Variants in STRBP observed in about 807,000 individuals in gnomAD.
STRBP encodes the protein spermatid perinuclear RNA binding protein.
In STRBP, 13 loss-of-function variants were observed where a neutral mutation model predicts 80.1. That is an observed-to-expected ratio of 0.16 (90% CI 0.11 to 0.26). STRBP has a LOEUF of 0.26. Ranked by LOEUF, STRBP falls within the 10% of genes least tolerant of loss-of-function variation. STRBP has a pLI of 1.00. For synonymous variants in STRBP, 284 were observed against 291.2 expected (o/e 0.98, Z 0.25); for missense variants, 485 against 815.2 (o/e 0.59, Z 4.93).
rs762651605 is a variant in STRBP at position 123,146,844 on chromosome 9, A to T, written c.1338+11T>A. 171 of 1,590,438 alleles carry T rather than the reference A, an allele frequency of 1.1e-4. No individual in the cohort carries two copies. Among genetic ancestry groups the T allele is most frequent in the Non-Finnish European group, 1.4e-4 (168 of 1,164,022 alleles). ...ATAAGAAAGCATTGCAAAGTAAAAC[A>T]AATACTGTACCTTCACCGCTACGTG... is the stretch of plus-strand genomic sequence containing the variant. On this transcript the variant is annotated intron_variant, in intron 13 of 18. Coordinates refer to ENST00000348403, the MANE Select transcript of STRBP (RefSeq NM_018387.5).
Position 123,136,494 on chromosome 9 carries a change from G to A in STRBP, c.1519C>T (p.Leu507Phe). Residue 507 changes from leucine (L) to phenylalanine (F), a missense_variant, in exon 15 of 19, where the codon CTC (leucine) becomes TTC (phenylalanine). Transcript: ENST00000348403. The surrounding 1 kb of genome is among the most constrained non-coding windows in gnomAD (Gnocchi z 4.2). Reference protein sequence around the residue: ...TLEVRTQGPILTASGKNPVME... With the variant: ...TLEVRTQGPIFTASGKNPVME... ...ACAGGGTTTTTGCCACTTGCTGTGA[G>A]GATAGGGCCCTGAGTTCTTACCTAT... The A allele has an allele frequency of 6.2e-7, 1 of 1,614,024 alleles. No individual in the cohort carries two copies.
chr9:123,126,807 G>T lies in STRBP; in HGVS notation c.1943-1134C>A, dbSNP rs2035913407. Among the ~76,000 whole-genome samples the T allele has an allele frequency of 1.3e-5, 2 of 152,080 alleles. No homozygotes were observed. Among genetic ancestry groups the T allele is most frequent in the South Asian group, 4.2e-4 (2 of 4,816 alleles). Reference sequence around the variant, plus strand: ...GAGTCTAGTGAGCCAAAATGTACTTGGATAAATGGACCAGACCTAAGTCAC... The same window carrying T: ...GAGTCTAGTGAGCCAAAATGTACTTTGATAAATGGACCAGACCTAAGTCAC... On this transcript the variant is annotated intron_variant, in intron 18 of 18. Coordinates refer to ENST00000348403, the MANE Select transcript of STRBP (RefSeq NM_018387.5). The surrounding 1 kb of genome is among the most constrained non-coding windows in gnomAD (Gnocchi z 4.4).
chr9:123,235,120 GA>G (rs2040517752), intron 2 of STRBP, among the ~76,000 whole-genome samples: 1 of 151,488 alleles, frequency 6.6e-6, no homozygotes, highest in South Asian at 2.1e-4. Flanking sequence ...AAAATGACCT[GA>G]AAGTGTTTTT....
At chr9:123,160,562 G>T in intron 7 of STRBP, 100 bp from the exon 8 acceptor site, 2 of 710,520 alleles carry the variant, frequency 2.8e-6, no homozygotes, top group Non-Finnish European at 1.9e-6. Context: ...TTATTCATCA[G>T]TTATCAGGCA....
rs2035832620 is a variant in STRBP at position 123,124,744 on chromosome 9, T to G, written c.*853A>C. 5 of 985,304 alleles carry G rather than the reference T, an allele frequency of 5.1e-6. No homozygotes were observed. In the South Asian group the frequency reaches 2.3e-4, roughly 46 times the overall value. 61.0% of individuals were successfully genotyped at this position (985,304 alleles called of 1,614,324 possible). ...GATTAATTTATTATTTTTAAAAACT[T>G]GGAAATTCATAAACTAGGATAATCA... On this transcript the variant is annotated 3_prime_UTR_variant, in exon 19 of 19. Coordinates refer to ENST00000348403, the MANE Select transcript of STRBP (RefSeq NM_018387.5).
intron 1 of STRBP, among the ~76,000 whole-genome samples, chr9:123,252,923 G>C (rs1465551364): frequency 6.6e-6 from 1 of 152,154 alleles, no homozygotes; most frequent in African/African-American, 2.4e-5. Flanking sequence ...CTTACTAGGG[G>C]CTTTCAAAGG....
rs542944058 is a variant in STRBP, at chr9:123,127,420, T to A, written c.1942+794A>T. Among the ~76,000 whole-genome samples, 19 of 152,274 alleles carry A rather than the reference T, an allele frequency of 1.2e-4. No individual in the cohort carries two copies. The South Asian group carries it at 3.9e-3, about 32-fold the overall frequency. On this transcript the variant is annotated intron_variant, in intron 18 of 18. Transcript: ENST00000348403. ...CACACACTCTTGCACACACACACTC[T>A]CATGCTCTCTTCTCTGACAACACCC... is the stretch of plus-strand genomic sequence containing the variant.
At chr9:123,150,009 C>T (rs1391312255) in intron 11 of STRBP, among the ~76,000 whole-genome samples, 2 of 152,246 alleles carry the variant, frequency 1.3e-5, no homozygotes, top group South Asian at 2.1e-4. Flanking sequence ...ATTTATATGT[C>T]GTGCTCAGCA....
At chr9:123,263,626 C>A (rs539486955) in intron 1 of STRBP, among the ~76,000 whole-genome samples, 8 of 150,806 alleles carry the variant, frequency 5.3e-5, no homozygotes, top group Non-Finnish European at 8.8e-5. Flanking sequence ...AAACCAAACA[C>A]AACATTAAGA....
chr9:123,154,808 T>C (rs1034718801), intron 11 of STRBP, among the ~76,000 whole-genome samples: 7 of 152,060 alleles, frequency 4.6e-5, no homozygotes, highest in Non-Finnish European at 1.0e-4. Context: ...AGTGAGGAAA[T>C]GGAGAAAAGA....
intron 2 of STRBP, among the ~76,000 whole-genome samples, chr9:123,217,413 T>C (rs2039932937): frequency 1.3e-5 from 2 of 152,042 alleles, no homozygotes; most frequent in Admixed American, 6.6e-5. Context: ...ACACAAAGAA[T>C]GTGAAAAAGA....
chr9:123,262,288 G>C (rs1309371874), intron 1 of STRBP, among the ~76,000 whole-genome samples: 1 of 152,030 alleles, frequency 6.6e-6, no homozygotes, highest in Non-Finnish European at 1.5e-5. Flanking sequence ...AGCATGGTAA[G>C]AAAAAAATAG....
At chr9:123,216,060 A>T (rs1456667209) in intron 2 of STRBP, among the ~76,000 whole-genome samples, 1 of 152,194 alleles carries the variant, frequency 6.6e-6, no homozygotes, top group Non-Finnish European at 1.5e-5. Context: ...TTTTCAAAAT[A>T]CCATCCTTAA....
intron 2 of STRBP, among the ~76,000 whole-genome samples, chr9:123,224,355 G>T (rs2040168906): frequency 6.6e-6 from 1 of 152,118 alleles, no homozygotes; most frequent in Non-Finnish European, 1.5e-5. Context: ...CTCTCTCGCA[G>T]TTCAGGAACT....
At position 123,132,891 on chromosome 9, in the gene STRBP, C is replaced by T. The variant is rs751050516; in HGVS notation, c.1851G>A (p.Arg617=). The part of the protein sequence containing the change: ...VRGRGRGTLT[R]GAFVGATAAP... ...CAGCTGTCGCCCCAACAAAAGCTCC[C>T]CTTGTTAGAGTTCCTCTTCCTCTGC... The change falls in exon 17 of 19, where the codon AGG becomes AGA. Residue 617 remains arginine (R), a synonymous_variant. Transcript: ENST00000348403. 1 of 1,614,092 alleles carries T rather than the reference C, an allele frequency of 6.2e-7. No homozygotes were observed. Among genetic ancestry groups the T allele is most frequent in the Non-Finnish European group, 8.5e-7 (1 of 1,179,968 alleles).
chr9:123,263,378 A>T (rs1450906485), intron 1 of STRBP, among the ~76,000 whole-genome samples: 4 of 152,082 alleles, frequency 2.6e-5, no homozygotes, highest in Non-Finnish European at 4.4e-5. Context: ...TAAAAAAAAT[A>T]GCCAGATGTG....
intron 2 of STRBP, among the ~76,000 whole-genome samples, chr9:123,230,517 G>A (rs1024022513): frequency 1.3e-5 from 2 of 152,128 alleles, no homozygotes; most frequent in Admixed American, 1.3e-4. Context: ...ACAGATACAG[G>A]ACCCTGAGGA....
intron 11 of STRBP, among the ~76,000 whole-genome samples, chr9:123,156,961 G>A (rs1008840141): frequency 6.6e-6 from 1 of 152,148 alleles, no homozygotes; most frequent in Non-Finnish European, 1.5e-5. Flanking sequence ...AAGGCAGTAA[G>A]TGGATTCACA....
At chr9:123,261,166 C>T (rs904099086) in intron 1 of STRBP, among the ~76,000 whole-genome samples, 44 of 152,152 alleles carry the variant, frequency 2.9e-4, no homozygotes, top group African/African-American at 1.1e-3. Flanking sequence ...CATACTCCAC[C>T]CAGTGCCAGT....
Sources: allele counts gnomAD v4.1 joint callset (sites outside exome capture counted in the v4.1 genomes callset), GRCh38; gene constraint gnomAD v4.1.1; non-coding constraint Gnocchi (gnomAD v3.1); transcripts MANE v1.5; gene names NCBI Gene and HGNC (gene_info 2026-07-23, HGNC 2026-07-21).